Variants in RANBP17 observed in about 807,000 individuals in gnomAD.
The protein encoded by RANBP17 is RAN binding protein 17, also known as ran-binding protein 17.
RANBP17 carries 158 observed loss-of-function variants against 141.2 expected under a neutral mutation model. That is an observed-to-expected ratio of 1.12 (90% CI 0.98 to 1.28). RANBP17 has a LOEUF of 1.28. RANBP17 is among the 50% of genes most tolerant of loss of function. RANBP17 has a pLI of 0.00. For missense variants in RANBP17, 1,438 were observed against 1,290.7 expected, an observed-to-expected ratio of 1.11 and a Z score of -1.75; for synonymous variants, 430 against 450.0, an observed-to-expected ratio of 0.96 and a Z score of 0.56.
At chr5:170,899,648 T>G (rs1770452834) in intron 5 of RANBP17, among the ~76,000 whole-genome samples, 1 of 152,192 alleles carries the variant, frequency 6.6e-6, no homozygotes, top group Non-Finnish European at 1.5e-5. Context: ...TGATATTGGC[T>G]GTGGGTCTGT....
intron 14 of RANBP17, among the ~76,000 whole-genome samples, chr5:171,152,189 G>A (rs1758533829): frequency 6.6e-6 from 1 of 151,686 alleles, no homozygotes; most frequent in Admixed American, 6.6e-5. Context: ...GAGGCAGGAG[G>A]ATCACTTGAG....
rs567363816 is a variant in RANBP17 at position 170,975,392 on chromosome 5, G to A, written c.1710+7015G>A. Among the ~76,000 whole-genome samples the A allele has an allele frequency of 2.6e-5, 4 of 152,240 alleles. No individual in the cohort carries two copies. The East Asian group carries it at 7.8e-4, about 30-fold the overall frequency. On this transcript the variant is annotated intron_variant, in intron 14 of 27. Coordinates refer to ENST00000523189, the MANE Select transcript of RANBP17 (RefSeq NM_022897.5). ...AAAAATACAAAATTTAGCCAGGCGT[G>A]GTGGCACGTGCCTGTAATCTCAACT...
chr5:171,096,544 G>C (rs1310834727), intron 14 of RANBP17, among the ~76,000 whole-genome samples: 1 of 152,124 alleles, frequency 6.6e-6, no homozygotes, highest in Non-Finnish European at 1.5e-5. Flanking sequence ...AAATTTGATT[G>C]TTGTTGGCAA....
At chr5:170,894,486 T>TTATATATATATATATA (rs3080623) in intron 4 of RANBP17, among the ~76,000 whole-genome samples, 2 of 133,304 alleles carry the variant, frequency 1.5e-5, no homozygotes, top group African/African-American at 2.9e-5. Flanking sequence ...TACGTGTTTT[T>TTATATATATATATATA]TATATATATA....
intron 19 of RANBP17, among the ~76,000 whole-genome samples, chr5:171,203,392 G>A (rs1040194698): frequency 1.3e-5 from 2 of 152,084 alleles, no homozygotes; most frequent in Non-Finnish European, 1.5e-5. Flanking sequence ...AGTGTTGTTT[G>A]TGTATCCATG....
At chr5:171,102,322 T>C (rs1160266091) in intron 14 of RANBP17, among the ~76,000 whole-genome samples, 1 of 152,082 alleles carries the variant, frequency 6.6e-6, no homozygotes, top group Non-Finnish European at 1.5e-5. Flanking sequence ...ATCTTGTCTT[T>C]ACACTTTACT....
chr5:170,872,367 T>G (rs1011762236), intron 1 of RANBP17, among the ~76,000 whole-genome samples: 3 of 152,210 alleles, frequency 2.0e-5, no homozygotes, highest in African/African-American at 7.2e-5. Flanking sequence ...GATTTTGTAT[T>G]GTGAGACTTG....
chr5:170,978,955 C>CACAGTGGGATTATGTTAT (rs1277839777), intron 14 of RANBP17, among the ~76,000 whole-genome samples: 1 of 152,060 alleles, frequency 6.6e-6, no homozygotes, highest in Non-Finnish European at 1.5e-5. Context: ...GGTATTGTTA[C>CACAGTGGGATTATGTTAT]ACAGTGGGAT....
intron 5 of RANBP17, among the ~76,000 whole-genome samples, chr5:170,907,039 A>T (rs768368571): frequency 6.6e-6 from 1 of 151,988 alleles, no homozygotes. Context: ...AGGGAGATCT[A>T]TAATGCATGA....
intron 14 of RANBP17, among the ~76,000 whole-genome samples, chr5:170,994,232 C>T (rs1028978096): frequency 1.3e-5 from 2 of 151,854 alleles, no homozygotes; most frequent in Admixed American, 6.6e-5. Context: ...TCTTGTTTCA[C>T]CTGTTTATCT....
chr5:171,229,934 G>A (rs1764107290), intron 22 of RANBP17, among the ~76,000 whole-genome samples: 1 of 151,580 alleles, frequency 6.6e-6, no homozygotes, highest in Non-Finnish European at 1.5e-5. Flanking sequence ...GCGTGGTGGT[G>A]CATGCCTATA....
At chr5:171,247,121 A>T in intron 24 of RANBP17, among the ~76,000 whole-genome samples, 1 of 152,214 alleles carries the variant, frequency 6.6e-6, no homozygotes, top group South Asian at 2.1e-4. Context: ...TAAGATCATA[A>T]AACTAATAAG....
intron 14 of RANBP17, among the ~76,000 whole-genome samples, chr5:171,114,789 A>G (rs755562831): frequency 2.0e-5 from 3 of 151,136 alleles, no homozygotes; most frequent in Non-Finnish European, 4.4e-5. Context: ...AGTACTAGGG[A>G]CACAGACTAA....
chr5:170,894,477 A>C (rs1348035702), intron 4 of RANBP17, among the ~76,000 whole-genome samples: 1 of 52,052 alleles, frequency 1.9e-5, no homozygotes. Context: ...AATAGTTAGT[A>C]CGTGTTTTTT....
At chr5:171,163,064 C>G (rs1028886343) in intron 14 of RANBP17, among the ~76,000 whole-genome samples, 4 of 152,142 alleles carry the variant, frequency 2.6e-5, no homozygotes, top group African/African-American at 9.7e-5. Context: ...TTTTCTTTAT[C>G]AGATGCTGTT....
intron 14 of RANBP17, among the ~76,000 whole-genome samples, chr5:171,067,221 G>C (rs1483531473): frequency 2.0e-5 from 3 of 151,984 alleles, no homozygotes; most frequent in African/African-American, 7.2e-5. Flanking sequence ...TAAACATCCT[G>C]AATTTACTTT....
At chr5:170,897,321 C>G in intron 5 of RANBP17, 1 of 598,982 alleles carries the variant, frequency 1.7e-6, no homozygotes, top group Non-Finnish European at 3.2e-6. Flanking sequence ...GGAGGAGAAT[C>G]AGGATCTGGG....
Position 171,240,488 on chromosome 5 carries a change from A to G in RANBP17, c.2423-440A>G, listed in dbSNP as rs377070378. Among the ~76,000 whole-genome samples the G allele has an allele frequency of 1.3e-3, 192 of 152,310 alleles. 9 individuals carry two copies. In the South Asian group the frequency reaches 0.038, roughly 30 times the overall value. ...AATGAAGTAACTCAAGATCAAATTC[A>G]TATAAAAGGTCAAAAATTTGCCGAG... On this transcript the variant is annotated intron_variant, in intron 22 of 27. Transcript: ENST00000523189.
intron 5 of RANBP17, among the ~76,000 whole-genome samples, chr5:170,907,113 G>A (rs944865675): frequency 2.6e-5 from 4 of 151,792 alleles, no homozygotes; most frequent in Non-Finnish European, 5.9e-5. Context: ...TCCATAACAG[G>A]ATGTGTCTCT....
Sources: allele counts gnomAD v4.1 joint callset (sites outside exome capture counted in the v4.1 genomes callset), GRCh38; gene constraint gnomAD v4.1.1; transcripts MANE v1.5; gene names NCBI Gene and HGNC (gene_info 2026-07-23, HGNC 2026-07-21).